The following THBS3 variants were observed in gnomAD, a reference collection of about 807,000 sequenced individuals.
THBS3 encodes thrombospondin 3.
THBS3 carries 78 observed loss-of-function variants against 118.3 expected under a neutral mutation model. The ratio of observed to expected loss-of-function variants is 0.66; its 90% confidence interval spans 0.55 to 0.80. The LOEUF (loss-of-function observed/expected upper bound fraction) is 0.80. Ranked by LOEUF, THBS3 falls within the 30% of genes least tolerant of loss-of-function variation. The probability of loss-of-function intolerance (pLI) is 0.00; values close to 1 mark genes in which losing one functional copy is unlikely to be tolerated. For missense variants in THBS3, 1,057 were observed against 1,247.4 expected (o/e 0.85, Z 2.30); for synonymous variants, 427 against 475.3 (o/e 0.90, Z 1.32).
rs369337037 is a variant in THBS3 at position 155,200,596 on chromosome 1, C to A, written c.1563G>T (p.Leu521=). Residue 521 remains leucine (L), a synonymous_variant, in exon 14 of 23, where the codon CTG becomes CTT. Transcript: ENST00000368378. ...AGTTCTGCTGGTCTTTGTTGGGGAA[C>A]AGCCGGCAGTTGTCCTGGGCAGAGG... ...GIKNVEDNCR[L]FPNKDQQNSD... 1.6e-5 allele frequency: 26 copies of A among 1,614,120 alleles called. No individual in the cohort carries two copies. Among genetic ancestry groups the A allele is most frequent in the Non-Finnish European group, 2.2e-5 (26 of 1,179,990 alleles).
intron 1 of THBS3, among the ~76,000 whole-genome samples, chr1:155,207,578 A>T (rs938683971): frequency 2.6e-5 from 4 of 152,128 alleles, no homozygotes; most frequent in Non-Finnish European, 4.4e-5. Flanking sequence ...CCCTGGCCTC[A>T]TGCCTGACCC....
At chr1:155,198,293 C>T (rs543095815) in intron 17 of THBS3, 73 bp from the exon 18 acceptor site, 2 of 1,592,266 alleles carry the variant, frequency 1.3e-6, no homozygotes, top group East Asian at 4.5e-5. Context: ...ATCTGTTGGG[C>T]CTGCATTCCT....
intron 21 of THBS3, chr1:155,196,427 C>A (rs1668686226): frequency 2.3e-6 from 1 of 431,530 alleles, no homozygotes; most frequent in South Asian, 3.2e-5. Context: ...CACCCGCTTC[C>A]CAGGCTCTAG....
intron 16 of THBS3, among the ~76,000 whole-genome samples, chr1:155,199,354 G>A (rs1669265438): frequency 1.3e-5 from 2 of 150,880 alleles, no homozygotes; most frequent in Admixed American, 6.6e-5. Context: ...AGCTTGCAGT[G>A]AGCCGAGATC....
At chr1:155,208,083 G>T, upstream of THBS3, 1 of 583,134 alleles carries the variant, frequency 1.7e-6, no homozygotes, top group Non-Finnish European at 3.0e-6. Flanking sequence ...GAATCCTGGA[G>T]GCCTCCCTGC....
chr1:155,203,603 A>C (rs1210928620), intron 4 of THBS3, 64 bp from the exon 5 acceptor site: 65 of 1,592,674 alleles, frequency 4.1e-5, no homozygotes, highest in Admixed American at 2.1e-4. Flanking sequence ...CTGGTTGGTG[A>C]GAAGGAGGAA....
At chr1:155,196,925 G>A in intron 21 of THBS3, 116 bp downstream of exon 21, 1 of 964,488 alleles carries the variant, frequency 1.0e-6, no homozygotes, top group Non-Finnish European at 1.6e-6. Context: ...TGAGAAGGGT[G>A]ATGGAGAGAA....
chr1:155,207,686 T>C (rs968612430), intron 1 of THBS3, 112 bp downstream of exon 1: 33 of 1,168,434 alleles, frequency 2.8e-5, no homozygotes, highest in Non-Finnish European at 4.1e-5. Flanking sequence ...TTCCTCTGGC[T>C]CAATTTCTGG....
chr1:155,208,308 C>T (rs972338388), upstream of THBS3, among the ~76,000 whole-genome samples: 5 of 152,196 alleles, frequency 3.3e-5, no homozygotes, highest in Admixed American at 3.3e-4. Context: ...AACTAGCTTG[C>T]TATAGTGCCC....
chr1:155,200,528 T>C lies in THBS3; in HGVS notation c.1631A>G (p.Asn544Ser), dbSNP rs1557863712. ...SFGDACDNCP[N>S]VPNNDQKDTD... ...GTCCTTCTGGTCATTGTTGGGAACG[T>C]TGGGGCAATTGTCACAGGCATCACC... Residue 544 changes from asparagine to serine, a missense_variant, in exon 14 of 23, where the codon AAC (asparagine) becomes AGC (serine). Asn to Ser is a conservative substitution (Grantham distance 46). Around this residue, in one of 3 missense-constraint regions of THBS3, gnomAD observed 544 missense variants for 715.6 expected, o/e 0.76. Transcript: ENST00000368378. 3 of 1,614,110 alleles carry C rather than the reference T, an allele frequency of 1.9e-6. No individual in the cohort carries two copies. The highest frequency in any genetic ancestry group is 2.5e-6 in the Non-Finnish European group (3 of 1,180,012).
At chr1:155,203,670 G>T in intron 4 of THBS3, 131 bp from the exon 5 acceptor site, 1 of 1,167,788 alleles carries the variant, frequency 8.6e-7, no homozygotes, top group South Asian at 1.3e-5. Flanking sequence ...GGTGCTGGAT[G>T]CTGGGAGGGC....
chr1:155,199,814 T>C lies in THBS3; in HGVS notation c.1870A>G (p.Asn624Asp). 1 of 1,614,216 alleles carries C rather than the reference T, an allele frequency of 6.2e-7. No individual in the cohort carries two copies. Among genetic ancestry groups the C allele is most frequent in the Non-Finnish European group, 8.5e-7 (1 of 1,180,032 alleles). The change falls in exon 16 of 23, where the codon AAT becomes GAT. Residue 624 changes from asparagine (N) to aspartate (D), a missense_variant. Coordinates refer to ENST00000368378, the MANE Select transcript of THBS3 (RefSeq NM_007112.5). ...TGACCAAGACCTTACCTGTCTTCAT[T>C]AGTATCACAGACATCCCCCACCAGG... ...SDLVGDVCDT[N>D]EDSDGDGHQD...
upstream of THBS3, chr1:155,207,940 G>A: frequency 6.9e-7 from 1 of 1,450,852 alleles, no homozygotes; most frequent in Non-Finnish European, 9.4e-7. Context: ...GCTAGGCGGA[G>A]AGAGCAGGAG....
chr1:155,200,588 T>G lies in THBS3; in HGVS notation c.1571A>C (p.Asn524Thr), dbSNP rs1669545072. 2 of 1,614,172 alleles carry G rather than the reference T, an allele frequency of 1.2e-6. No homozygotes were observed. Among genetic ancestry groups the G allele is most frequent in the Non-Finnish European group, 1.7e-6 (2 of 1,180,030 alleles). The part of the protein sequence containing the change: ...NVEDNCRLFP[N>T]KDQQNSDTDS... ...TGTATCTGAGTTCTGCTGGTCTTTG[T>G]TGGGGAACAGCCGGCAGTTGTCCTG... Residue 524 changes from asparagine (N) to threonine (T), a missense_variant, in exon 14 of 23, where the codon AAC becomes ACC. Transcript: ENST00000368378.
intron 16 of THBS3, among the ~76,000 whole-genome samples, chr1:155,199,082 T>G (rs1210988323): frequency 7.0e-6 from 1 of 143,236 alleles, no homozygotes; most frequent in Non-Finnish European, 1.5e-5. Flanking sequence ...ATCACTGCAC[T>G]CCAGCTTGAG....
Position 155,201,646 on chromosome 1 carries a change from G to A in THBS3, c.1177-77C>T, listed in dbSNP as rs186215357. On this transcript the variant is annotated intron_variant, in intron 10 of 22. Transcript: ENST00000368378. ...CCAGGACCAGCACTGCTCCACCTGC[G>A]GAGTGTGGGCTGGGCACTCAGTTAT... 47 of 1,506,094 alleles carry A rather than the reference G, an allele frequency of 3.1e-5. No homozygotes were observed. The Middle Eastern group carries it at 1.0e-3, about 33-fold the overall frequency. 93.3% of individuals were successfully genotyped at this position (1,506,094 alleles called of 1,614,324 possible). A position where few individuals can be genotyped will look rare whatever the true frequency, so the allele number is the denominator to read the frequency against.
At position 155,195,820 on chromosome 1, in the gene THBS3, C is replaced by G; in HGVS notation, c.*21G>C. 1 of 1,613,170 alleles carries G rather than the reference C, an allele frequency of 6.2e-7. No homozygotes were observed. Among genetic ancestry groups the G allele is most frequent in the Non-Finnish European group, 8.5e-7 (1 of 1,179,954 alleles). On this transcript the variant is annotated 3_prime_UTR_variant, in exon 23 of 23. Transcript: ENST00000368378. ...GCCAAAGGGTCTAAAATTCTGAATT[C>G]TGAATCTGGTGGCCTCCTCCTCACA...
Position 155,202,920 on chromosome 1 carries a change from G to A in THBS3, c.849C>T (p.Cys283=). The change falls in exon 8 of 23, where the codon TGC becomes TGT. Residue 283 remains cysteine, a synonymous_variant. Coordinates refer to ENST00000368378, the MANE Select transcript of THBS3 (RefSeq NM_007112.5). This position sits in a 1 kb window ranked among gnomAD's most constrained non-coding sequence, Gnocchi z 5.5. ...EQRSHCSPNP[C]FRGVDCMEVY... is the part of the protein sequence containing the mutation. ...CTTCCATGCAGTCCACACCTCGGAA[G>A]CAGGGATTGGGGCTGCAGTGGGAAC... The A allele has an allele frequency of 1.2e-6, 2 of 1,614,018 alleles. No homozygotes were observed. The highest frequency in any genetic ancestry group is 1.7e-6 in the Non-Finnish European group (2 of 1,180,038).
chr1:155,206,174 CAAGA>C lies in THBS3; in HGVS notation c.286+22_286+25del, dbSNP rs1195259358. On this transcript the variant is annotated intron_variant, in intron 2 of 22. Coordinates refer to ENST00000368378, the MANE Select transcript of THBS3 (RefSeq NM_007112.5). The surrounding 1 kb of genome is among the most constrained non-coding windows in gnomAD (Gnocchi z 4.2). ...AGAGTGCTTAAGGAGGTCACCATTG[CAAGA>C]AAGGAGATGCCCACCAGTCACCTTT... The C allele has an allele frequency of 1.2e-6, 2 of 1,611,926 alleles. No homozygotes were observed. The highest frequency in any genetic ancestry group is 2.7e-5 in the African/African-American group (2 of 74,884).
Sources: allele counts gnomAD v4.1 joint callset (sites outside exome capture counted in the v4.1 genomes callset), GRCh38; gene constraint gnomAD v4.1.1; regional missense constraint gnomAD v4.1.1; non-coding constraint Gnocchi (gnomAD v3.1); transcripts MANE v1.5; gene names NCBI Gene and HGNC (gene_info 2026-07-23, HGNC 2026-07-21).